Variants in PCDH9 observed in about 807,000 individuals in gnomAD.
PCDH9 encodes protocadherin-9.
PCDH9 carries 24 observed loss-of-function variants against 70.6 expected under a neutral mutation model. The observed-to-expected ratio is 0.34, with a 90% confidence interval of 0.25 to 0.48. The LOEUF is 0.48. Ranked by LOEUF, PCDH9 falls within the 20% of genes least tolerant of loss-of-function variation. PCDH9 has a pLI of 0.99. For synonymous variants in PCDH9, 562 were observed against 558.5 expected (o/e 1.01, Z -0.09); for missense variants, 1,281 against 1,503.6 (o/e 0.85, Z 2.45).
chr13:67,163,500 G>T (rs1038470330), intron 2 of PCDH9, among the ~76,000 whole-genome samples: 1 of 152,092 alleles, frequency 6.6e-6, no homozygotes, highest in African/African-American at 2.4e-5. Flanking sequence ...AGCGCATTTG[G>T]TATAATAAGG....
At chr13:66,948,880 C>T (rs879185968) in intron 2 of PCDH9, among the ~76,000 whole-genome samples, 5 of 152,016 alleles carry the variant, frequency 3.3e-5, no homozygotes, top group Admixed American at 1.3e-4. Context: ...AATTACCGAG[C>T]CTTTGGGGAA....
intron 3 of PCDH9, among the ~76,000 whole-genome samples, chr13:66,680,471 G>C (rs933839650): frequency 1.3e-5 from 2 of 151,916 alleles, no homozygotes. Flanking sequence ...ATTCTTTTTA[G>C]TATTATAAAT....
intron 4 of PCDH9, among the ~76,000 whole-genome samples, chr13:66,478,036 T>G (rs1958765419): frequency 6.6e-6 from 1 of 152,200 alleles, no homozygotes; most frequent in East Asian, 1.9e-4. Context: ...CAGCACCATT[T>G]CTGCAGCAGG....
chr13:67,078,673 G>C (rs957923630), intron 2 of PCDH9, among the ~76,000 whole-genome samples: 3 of 151,940 alleles, frequency 2.0e-5, no homozygotes, highest in Non-Finnish European at 4.4e-5. Context: ...TTTACTTATA[G>C]CTCTTCCGAA....
intron 3 of PCDH9, among the ~76,000 whole-genome samples, chr13:66,852,698 T>A (rs1335454331): frequency 6.6e-6 from 1 of 152,220 alleles, no homozygotes; most frequent in African/African-American, 2.4e-5. Flanking sequence ...GGCATATTTG[T>A]AAGTAAAGTT....
Position 66,867,586 on chromosome 13 carries a change from G to A in PCDH9, c.3138+35918C>T, listed in dbSNP as rs1218207217. Reference sequence around the variant, plus strand: ...CATAGAACGTGCTGAATAATTGAAAGTGGAACGAAAAATAATTTATTAACC... The same window carrying A: ...CATAGAACGTGCTGAATAATTGAAAATGGAACGAAAAATAATTTATTAACC... On this transcript the variant is annotated intron_variant, in intron 3 of 4. Transcript: ENST00000377865. 2.6e-5 allele frequency among the ~76,000 whole-genome samples: 4 copies of A among 152,164 alleles called. No homozygotes were observed. In the East Asian group the frequency reaches 7.7e-4, roughly 29 times the overall value.
At chr13:66,365,002 T>A (rs1956530132) in intron 4 of PCDH9, among the ~76,000 whole-genome samples, 1 of 152,206 alleles carries the variant, frequency 6.6e-6, no homozygotes, top group Non-Finnish European at 1.5e-5. Flanking sequence ...TCAGAAAGGA[T>A]GGCTGCGTCC....
At chr13:67,112,668 T>C (rs1344070898) in intron 2 of PCDH9, among the ~76,000 whole-genome samples, 1 of 146,124 alleles carries the variant, frequency 6.8e-6, no homozygotes, top group Non-Finnish European at 1.5e-5. Context: ...CCTTCCTCCC[T>C]CCCTTCCTCC....
intron 2 of PCDH9, among the ~76,000 whole-genome samples, chr13:67,108,034 C>T (rs2086582613): frequency 6.6e-6 from 1 of 152,220 alleles, no homozygotes; most frequent in Non-Finnish European, 1.5e-5. Flanking sequence ...CCTGGAGCTG[C>T]CCGTCCTGCC....
rs564005898 is a variant in PCDH9, at chr13:66,366,751, T to G, written c.3341-61723A>C. ...ACACATAATAAGCATCCCCAAAACA[T>G]TAGCTGATAAAAATAGTAAAAGCTC... On this transcript the variant is annotated intron_variant, in intron 4 of 4. Coordinates refer to ENST00000377865, the MANE Select transcript of PCDH9 (RefSeq NM_203487.3). 2.6e-5 allele frequency among the ~76,000 whole-genome samples: 4 copies of G among 152,140 alleles called. No homozygotes were observed. In the South Asian group the frequency reaches 8.3e-4, roughly 31 times the overall value.
chr13:66,982,576 C>T (rs1437661651), intron 2 of PCDH9, among the ~76,000 whole-genome samples: 3 of 152,156 alleles, frequency 2.0e-5, no homozygotes, highest in Non-Finnish European at 4.4e-5. Context: ...ACCCCGGGTT[C>T]TCCTGGAATG....
intron 2 of PCDH9, among the ~76,000 whole-genome samples, chr13:66,960,359 C>A (rs1279709845): frequency 1.3e-5 from 2 of 152,118 alleles, no homozygotes; most frequent in Non-Finnish European, 2.9e-5. Flanking sequence ...AATCAGAGTG[C>A]TTTGCTGACT....
At chr13:66,450,227 T>C (rs1958177329) in intron 4 of PCDH9, among the ~76,000 whole-genome samples, 1 of 152,214 alleles carries the variant, frequency 6.6e-6, no homozygotes, top group Admixed American at 6.5e-5. Flanking sequence ...TAAACAAATT[T>C]ATTGCCATTT....
chr13:66,924,987 T>A (rs1445576478), intron 2 of PCDH9, among the ~76,000 whole-genome samples: 1 of 151,884 alleles, frequency 6.6e-6, no homozygotes, highest in East Asian at 1.9e-4. Context: ...AAACATGATT[T>A]TTTTTATAAA....
intron 3 of PCDH9, among the ~76,000 whole-genome samples, chr13:66,740,357 T>A (rs1480129062): frequency 1.7e-4 from 14 of 83,308 alleles, no homozygotes; most frequent in African/African-American, 5.0e-4. Context: ...AGAGGGAAAT[T>A]TATAGCACTA....
chr13:66,421,340 C>T (rs1249718988), intron 4 of PCDH9, among the ~76,000 whole-genome samples: 1 of 152,098 alleles, frequency 6.6e-6, no homozygotes, highest in Non-Finnish European at 1.5e-5. Context: ...CACAAAGATA[C>T]TTCTCGAGAA....
intron 4 of PCDH9, among the ~76,000 whole-genome samples, chr13:66,537,772 G>A (rs1234210218): frequency 3.9e-5 from 6 of 152,090 alleles, no homozygotes; most frequent in Non-Finnish European, 8.8e-5. Context: ...TGATCACTGA[G>A]TAACTCAGTC....
intron 4 of PCDH9, among the ~76,000 whole-genome samples, chr13:66,321,312 G>A (rs947200706): frequency 1.3e-5 from 2 of 151,964 alleles, no homozygotes; most frequent in African/African-American, 4.8e-5. Flanking sequence ...TTGTTTGCAG[G>A]GGGTGAGCAG....
intron 2 of PCDH9, among the ~76,000 whole-genome samples, chr13:67,101,550 C>T (rs1053237311): frequency 1.3e-5 from 2 of 152,050 alleles, no homozygotes; most frequent in Non-Finnish European, 2.9e-5. Context: ...TGTATACATA[C>T]GTGTATATGT....
Sources: gnomAD v4.1 joint callset for allele counts (sites outside exome capture counted in the v4.1 genomes callset) on GRCh38, gnomAD v4.1.1 for gene constraint, MANE v1.5 for transcripts, NCBI Gene and HGNC (gene_info 2026-07-23, HGNC 2026-07-21) for gene names.